The following BAHCC1 variants were observed in gnomAD, a reference collection of about 807,000 sequenced individuals.
The protein encoded by BAHCC1 is BAH domain and coiled-coil containing 1.
BAHCC1 carries 43 observed loss-of-function variants against 88.2 expected under a neutral mutation model. That is an observed-to-expected ratio of 0.49 (90% CI 0.38 to 0.63). The LOEUF is 0.63. Among genes scored for constraint, BAHCC1 ranks in the 20% least tolerant of loss-of-function variants. The pLI, the probability that BAHCC1 is intolerant of heterozygous loss-of-function variation, is 0.00. For synonymous variants in BAHCC1, 1,510 were observed against 745.5 expected (o/e 2.03, Z -16.71); for missense variants, 3,023 against 1,654.8 (o/e 1.83, Z -14.34).
chr17:81,450,283 A>G (rs1437805488), intron 11 of BAHCC1, among the ~76,000 whole-genome samples: 1 of 151,224 alleles, frequency 6.6e-6, no homozygotes, highest in African/African-American at 2.4e-5. Flanking sequence ...TCCTTGTGGG[A>G]TCAGCCCATG....
At position 81,438,507 on chromosome 17, in the gene BAHCC1, G is replaced by T; in HGVS notation, c.481+15G>T. ...AACCCAAAAAGGCAAGTGCAGCATG[G>T]GACCGGCGTGGGGAGCAGGCATGCT... On this transcript the variant is annotated intron_variant, in intron 4 of 27. Transcript: ENST00000675386. 1 of 760,866 alleles carries T rather than the reference G, an allele frequency of 1.3e-6. No individual in the cohort carries two copies. The highest frequency in any genetic ancestry group is 2.5e-5 in the East Asian group (1 of 40,520). 47.1% of individuals were successfully genotyped at this position (760,866 alleles called of 1,614,324 possible). A position where few individuals can be genotyped will look rare whatever the true frequency, so the allele number is the denominator to read the frequency against.
intron 3 of BAHCC1, among the ~76,000 whole-genome samples, chr17:81,429,823 T>A (rs2064239976): frequency 6.6e-6 from 1 of 152,084 alleles, no homozygotes; most frequent in East Asian, 1.9e-4. Context: ...GGAACCCAGG[T>A]TGGGGTAGCC....
Position 81,440,200 on chromosome 17 carries a change from C to T in BAHCC1, c.482-1631C>T, listed in dbSNP as rs371153892. Among the ~76,000 whole-genome samples the T allele has an allele frequency of 3.3e-4, 50 of 152,318 alleles. No homozygotes were observed. The East Asian group carries it at 4.4e-3, about 14-fold the overall frequency. On this transcript the variant is annotated intron_variant, in intron 4 of 27. Transcript: ENST00000675386. ...CCCGTTCCCCTAGAACCGCGTCAGC[C>T]CCAGCGCGTGCAGTTATTTTGACAG...
chr17:81,446,929 G>C, intron 10 of BAHCC1, 107 bp from the exon 11 acceptor site: 1 of 706,416 alleles, frequency 1.4e-6, no homozygotes, highest in South Asian at 1.5e-5. Flanking sequence ...GGGCCCTTCC[G>C]CACGGGCTTG....
In BAHCC1 at chr17:81,458,636, C is replaced by T. The variant is rs781865336; in HGVS notation, c.5359C>T (p.Leu1787=). Residue 1787 remains leucine (L), a synonymous_variant, in exon 19 of 28, where the codon CTG becomes TTG. Coordinates refer to ENST00000675386, the MANE Select transcript of BAHCC1 (RefSeq NM_001377448.1). ...CCACGCGCAGCGGAAGAACGGGGCC[C>T]TGTCCATCACGCTGGCCACACGCAA... The part of the protein sequence containing the change: ...QPVLRRKNGA[L]SITLATRNAK... 13 of 717,650 alleles carry T rather than the reference C, an allele frequency of 1.8e-5. No individual in the cohort carries two copies. Among genetic ancestry groups the T allele is most frequent in the Admixed American group, 1.8e-4 (9 of 50,076 alleles). The allele number at this position is 717,650 out of a possible 1,614,324, so 44.5% of individuals were successfully genotyped here.
chr17:81,463,376 A>G (rs2030470808), intron 27 of BAHCC1, among the ~76,000 whole-genome samples: 1 of 152,216 alleles, frequency 6.6e-6, no homozygotes, highest in Admixed American at 6.5e-5. Context: ...CAGGGAAATT[A>G]GTATTTCTCT....
Position 81,399,984 on chromosome 17 carries a change from C to T in BAHCC1, c.178+67C>T, listed in dbSNP as rs2063793615. On this transcript the variant is annotated intron_variant, in intron 2 of 27. Transcript: ENST00000675386. This position sits in a 1 kb window ranked among gnomAD's most constrained non-coding sequence, Gnocchi z 4.5. ...AGAGCGGAACAGGGCGCCCACCCCTCCGCTCCCGGGAGCAGAGAAGCTTTG... is the reference window on the plus strand; with the variant it reads ...AGAGCGGAACAGGGCGCCCACCCCTTCGCTCCCGGGAGCAGAGAAGCTTTG... The T allele has an allele frequency of 1.6e-6, 2 of 1,214,684 alleles. No individual in the cohort carries two copies. Among genetic ancestry groups the T allele is most frequent in the Non-Finnish European group, 1.0e-6 (1 of 955,244 alleles). The allele number at this position is 1,214,684 out of a possible 1,614,324, so 75.2% of individuals were successfully genotyped here.
At chr17:81,459,847 A>G (rs949083521) in intron 23 of BAHCC1, among the ~76,000 whole-genome samples, 2 of 152,148 alleles carry the variant, frequency 1.3e-5, no homozygotes, top group South Asian at 4.1e-4. Context: ...GGCCCTGAGC[A>G]CTGCTGCTGG....
In BAHCC1 at chr17:81,460,300, G is replaced by T; in HGVS notation, c.5929G>T (p.Asp1977Tyr). ...AGGGGCCTCCGGTGACGAAGATGAG[G>T]ACCTGGACTCAGTAGTGGTGGAATT... ...VRGASGDEDE[D>Y]LDSVVVEFDD... Residue 1977 changes from aspartate to tyrosine, a missense_variant, in exon 24 of 28, where the codon GAC becomes TAC. By Grantham distance (160) the Asp-to-Tyr change is radical. Transcript: ENST00000675386. The T allele has an allele frequency of 1.3e-6, 1 of 775,608 alleles. No individual in the cohort carries two copies. Among genetic ancestry groups the T allele is most frequent in the African/African-American group, 1.7e-5 (1 of 59,144 alleles). The allele number at this position is 775,608 out of a possible 1,614,324, so 48.0% of individuals were successfully genotyped here.
intron 2 of BAHCC1, chr17:81,410,202 T>C: frequency 5.1e-6 from 1 of 195,430 alleles, no homozygotes; most frequent in South Asian, 5.2e-5. Flanking sequence ...CGGAGGCACA[T>C]GGCCTGTGCA....
At chr17:81,449,288 C>T (rs1555655280) in intron 11 of BAHCC1, among the ~76,000 whole-genome samples, 2 of 152,102 alleles carry the variant, frequency 1.3e-5, no homozygotes, top group African/African-American at 4.8e-5. Flanking sequence ...TGGGCCCCCA[C>T]CCCTGCCCCT....
Position 81,458,301 on chromosome 17 carries a change from C to A in BAHCC1, c.5178C>A (p.Gly1726=). ...CGCTGGGCAAGAAGAAAGCCAAGGGCAAGGCCAAGGGCAGCCTGCGGGCAG... is the reference window on the plus strand; with the variant it reads ...CGCTGGGCAAGAAGAAAGCCAAGGGAAAGGCCAAGGGCAGCCTGCGGGCAG... ...PGALGKKKAK[G]KAKGSLRAEP... Residue 1726 remains glycine, a synonymous_variant, in exon 18 of 28, where the codon GGC becomes GGA. Coordinates refer to ENST00000675386, the MANE Select transcript of BAHCC1 (RefSeq NM_001377448.1). 1.3e-6 allele frequency: 1 copy of A among 750,362 alleles called. No homozygotes were observed. The allele number at this position is 750,362 out of a possible 1,614,324, so 46.5% of individuals were successfully genotyped here.
At chr17:81,415,405 CAG>C in intron 2 of BAHCC1, 1 of 359,658 alleles carries the variant, frequency 2.8e-6, no homozygotes, top group Non-Finnish European at 5.5e-6. Flanking sequence ...CCTTGAGACA[CAG>C]AGTTTGGCAG....
At position 81,461,703 on chromosome 17, in the gene BAHCC1, A is replaced by G; in HGVS notation, c.7040A>G (p.Tyr2347Cys). 6 of 720,024 alleles carry G rather than the reference A, an allele frequency of 8.3e-6. No individual in the cohort carries two copies. The highest frequency in any genetic ancestry group is 1.3e-5 in the Non-Finnish European group (5 of 386,474). The allele number at this position is 720,024 out of a possible 1,614,324, so 44.6% of individuals were successfully genotyped here. ...LCSSDNEDSSYSSDDEDPALL... is the reference protein window; with the variant it reads ...LCSSDNEDSSCSSDDEDPALL... Reference sequence around the variant, plus strand: ...TCCTCCGACAACGAGGACTCGTCCTACAGCTCAGACGACGAGGACCCGGCT... The same window carrying G: ...TCCTCCGACAACGAGGACTCGTCCTGCAGCTCAGACGACGAGGACCCGGCT... The change falls in exon 26 of 28, where the codon TAC (tyrosine) becomes TGC (cysteine). Residue 2347 changes from tyrosine (Y) to cysteine (C), a missense_variant. Tyr to Cys is a radical substitution (Grantham distance 194). Transcript: ENST00000675386.
intron 2 of BAHCC1, among the ~76,000 whole-genome samples, chr17:81,403,310 A>G (rs1352997714): frequency 2.6e-5 from 4 of 152,096 alleles, no homozygotes; most frequent in African/African-American, 9.7e-5. Flanking sequence ...ATCTGCTCAG[A>G]TTCCCCTCCC....
At chr17:81,418,796 C>CGCGCGT (rs1555649116) in intron 2 of BAHCC1, among the ~76,000 whole-genome samples, 14 of 144,800 alleles carry the variant, frequency 9.7e-5, no homozygotes, top group African/African-American at 3.7e-4. Context: ...TACGTGTGTG[C>CGCGCGT]GTGTGTGTGT....
chr17:81,420,422 G>A lies in BAHCC1; in HGVS notation c.179-6378G>A, dbSNP rs996855978. Reference sequence around the variant, plus strand: ...TGTGCAGCTGTTCCCCAGTCTTCCCGCTGCTGGGCCACCCTGGGACAGCAG... The same window carrying A: ...TGTGCAGCTGTTCCCCAGTCTTCCCACTGCTGGGCCACCCTGGGACAGCAG... On this transcript the variant is annotated intron_variant, in intron 2 of 27. Coordinates refer to ENST00000675386, the MANE Select transcript of BAHCC1 (RefSeq NM_001377448.1). Among the ~76,000 whole-genome samples, 9 of 152,282 alleles carry A rather than the reference G, an allele frequency of 5.9e-5. No homozygotes were observed. In the South Asian group the frequency reaches 1.0e-3, roughly 18 times the overall value.
At chr17:81,455,805 CCT>C (rs1173767835) in intron 15 of BAHCC1, among the ~76,000 whole-genome samples, 1 of 152,146 alleles carries the variant, frequency 6.6e-6, no homozygotes, top group Admixed American at 6.5e-5. Flanking sequence ...CTGCTGGCAC[CCT>C]GTTTCTTCTT....
chr17:81,444,496 C>A lies in BAHCC1; in HGVS notation c.2440C>A (p.His814Asn), dbSNP rs984431781. The change falls in exon 7 of 28, where the codon CAC (histidine) becomes AAC (asparagine). Residue 814 changes from histidine to asparagine, a missense_variant. Transcript: ENST00000675386. ...CCAGCTGGGCGGGGACCCAGCCCCC[C>A]ACACCCACCCCCATCCCCCCTGGCT... Reference protein sequence around the residue: ...SGQLGGDPAPHTHPHPPWLPR... With the variant: ...SGQLGGDPAPNTHPHPPWLPR... The A allele has an allele frequency of 1.4e-5, 10 of 705,472 alleles. No homozygotes were observed. The highest frequency in any genetic ancestry group is 2.4e-5 in the Non-Finnish European group (9 of 382,762). The allele number at this position is 705,472 out of a possible 1,614,324, so 43.7% of individuals were successfully genotyped here.
Sources: gnomAD v4.1 joint callset for allele counts (sites outside exome capture counted in the v4.1 genomes callset) on GRCh38, gnomAD v4.1.1 for gene constraint, Gnocchi (gnomAD v3.1) non-coding constraint, MANE v1.5 for transcripts, NCBI Gene and HGNC (gene_info 2026-07-23, HGNC 2026-07-21) for gene names.